Variants in SEC31A observed in about 807,000 individuals in gnomAD.
SEC31A encodes the protein protein transport protein Sec31A.
A neutral mutation model predicts 151.0 loss-of-function variants in SEC31A; 70 were observed. The observed-to-expected ratio is 0.46, with a 90% confidence interval of 0.38 to 0.57. SEC31A has a LOEUF of 0.57. Among genes scored for constraint, SEC31A ranks in the 20% least tolerant of loss-of-function variants. The pLI is 0.00. For missense variants in SEC31A, 1,330 were observed against 1,471.2 expected (o/e 0.90, Z 1.57); for synonymous variants, 475 against 505.9 (o/e 0.94, Z 0.82).
At chr4:82,862,252 CA>C (rs70943163) in intron 13 of SEC31A, among the ~76,000 whole-genome samples, 156 of 89,864 alleles carry the variant, frequency 1.7e-3, no homozygotes, top group Middle Eastern at 5.9e-3. Context: ...TTTTCCTGGC[CA>C]AAAAAAAAAA....
chr4:82,882,169 C>T (rs1163468306), intron 1 of SEC31A, among the ~76,000 whole-genome samples: 1 of 152,030 alleles, frequency 6.6e-6, no homozygotes, highest in Admixed American at 6.5e-5. Context: ...TTTGGGAGGC[C>T]AAGGCGGGCG....
At chr4:82,890,667 T>C (rs1719498117) in intron 1 of SEC31A, 4 of 839,932 alleles carry the variant, frequency 4.8e-6, no homozygotes, top group South Asian at 4.9e-5. Context: ...AATCTGGCAA[T>C]AGTTCAAGTA....
At chr4:82,846,366 C>CATAATAATAATAATAATAATAATA (rs35831381) in intron 20 of SEC31A, among the ~76,000 whole-genome samples, 12 of 140,546 alleles carry the variant, frequency 8.5e-5, no homozygotes, top group East Asian at 2.1e-4. Context: ...AACTCCAAAA[C>CATAATAATAATAATAATAATAATA]ATAATAATAA....
chr4:82,854,886 T>C lies in SEC31A; in HGVS notation c.2008+17A>G. 1 of 1,603,152 alleles carries C rather than the reference T, an allele frequency of 6.2e-7. No homozygotes were observed. Among genetic ancestry groups the C allele is most frequent in the Non-Finnish European group, 8.5e-7 (1 of 1,176,336 alleles). ...CCACGTATGTAAATGCAGTTAAATA[T>C]AAAGCACATCTCTTACCACAAAGGG... On this transcript the variant is annotated intron_variant, in intron 17 of 26. Coordinates refer to ENST00000395310, the MANE Select transcript of SEC31A (RefSeq NM_001077207.4).
Position 82,871,976 on chromosome 4 carries a change from G to A in SEC31A, c.750C>T (p.Ser250=), listed in dbSNP as rs1424808127. 2 of 1,614,018 alleles carry A rather than the reference G, an allele frequency of 1.2e-6. No homozygotes were observed. The highest frequency in any genetic ancestry group is 1.7e-6 in the Non-Finnish European group (2 of 1,180,022). ...VIQMWDLRFA[S]SPLRVLENHA... is the part of the protein sequence containing the mutation. ...GGTTTTCCAGGACACGAAGTGGAGA[G>A]GAAGCAAATCGAAGATCCCACATCT... Residue 250 remains serine (S), a synonymous_variant, in exon 7 of 27, where the codon TCC becomes TCT. Transcript: ENST00000395310.
At chr4:82,862,625 C>G in intron 12 of SEC31A, 53 bp from the exon 13 acceptor site, 2 of 1,492,998 alleles carry the variant, frequency 1.3e-6, no homozygotes, top group Non-Finnish European at 1.9e-6. Flanking sequence ...TTCAGAGCAT[C>G]CAGCAAATGT....
Position 82,877,220 on chromosome 4 carries a change from G to C in SEC31A, c.403-1398C>G, listed in dbSNP as rs1441507440. 2.0e-5 allele frequency among the ~76,000 whole-genome samples: 3 copies of C among 151,998 alleles called. No individual in the cohort carries two copies. In the East Asian group the frequency reaches 5.8e-4, roughly 29 times the overall value. On this transcript the variant is annotated intron_variant, in intron 4 of 26. Transcript: ENST00000395310. ...AGCCTGGCAGAGGGAGCAAGACGCTGTTTCAAAAAACAAAAAACAACAACA... is the reference window on the plus strand; with the variant it reads ...AGCCTGGCAGAGGGAGCAAGACGCTCTTTCAAAAAACAAAAAACAACAACA...
intron 22 of SEC31A, among the ~76,000 whole-genome samples, chr4:82,841,465 T>TATATATATATATATATAC (rs200595591): frequency 9.7e-6 from 1 of 103,202 alleles, no homozygotes; most frequent in African/African-American, 3.6e-5. Context: ...TATATATATA[T>TATATATATATATATATAC]ATACACACAC....
At chr4:82,887,004 G>C (rs1740875479) in intron 1 of SEC31A, among the ~76,000 whole-genome samples, 1 of 151,988 alleles carries the variant, frequency 6.6e-6, no homozygotes. Context: ...TTATATTTAG[G>C]GGAAAACAAG....
intron 22 of SEC31A, among the ~76,000 whole-genome samples, chr4:82,839,337 G>A (rs1262151117): frequency 2.0e-5 from 3 of 152,222 alleles, no homozygotes; most frequent in Admixed American, 6.5e-5. Flanking sequence ...TTTTCGTAGA[G>A]ACGGGGTTTC....
chr4:82,834,777 TC>T (rs1726822915), intron 22 of SEC31A, among the ~76,000 whole-genome samples: 1 of 152,182 alleles, frequency 6.6e-6, no homozygotes, highest in Non-Finnish European at 1.5e-5. Context: ...CCCCTTTCAA[TC>T]CTTTTTGCTT....
chr4:82,836,097 G>T (rs577974554), intron 22 of SEC31A, among the ~76,000 whole-genome samples: 1 of 152,018 alleles, frequency 6.6e-6, no homozygotes, highest in Admixed American at 6.5e-5. Context: ...AAAATTGGCC[G>T]GGCGCGGTGG....
At position 82,878,837 on chromosome 4, in the gene SEC31A, T is replaced by C; in HGVS notation, c.295A>G (p.Ile99Val). 6.2e-7 allele frequency: 1 copy of C among 1,613,902 alleles called. No homozygotes were observed. Among genetic ancestry groups the C allele is most frequent in the Non-Finnish European group, 8.5e-7 (1 of 1,179,804 alleles). The change falls in exon 4 of 27, where the codon ATT becomes GTT. Residue 99 changes from isoleucine (I) to valine (V), a missense_variant. Transcript: ENST00000395310. ...ATAATTTTAGAAGGATCATAGAGAATAATATTTCCATTTTCACCACCTGCA... is the reference window on the plus strand; with the variant it reads ...ATAATTTTAGAAGGATCATAGAGAACAATATTTCCATTTTCACCACCTGCA... ...LIAGGENGNI[I>V]LYDPSKIIAG... is the part of the protein sequence containing the mutation.
Position 82,842,211 on chromosome 4 carries a change from G to A in SEC31A, c.2897C>T (p.Ala966Val), listed in dbSNP as rs768881851. ...TGTTGTTCCAGGAGGCAGTGCATAAGCTGAAGATGATGGTGGAGCTCCTGG... is the reference window on the plus strand; with the variant it reads ...TGTTGTTCCAGGAGGCAGTGCATAAACTGAAGATGATGGTGGAGCTCCTGG... ...GGPGAPPSSS[A>V]YALPPGTTGT... The change falls in exon 22 of 27, where the codon GCT becomes GTT. Residue 966 changes from alanine to valine, a missense_variant. Physicochemically the swap from Ala to Val is moderately conservative, Grantham distance 64. Transcript: ENST00000395310. 1 of 1,611,386 alleles carries A rather than the reference G, an allele frequency of 6.2e-7. No individual in the cohort carries two copies. Among genetic ancestry groups the A allele is most frequent in the African/African-American group, 1.3e-5 (1 of 75,000 alleles).
intron 14 of SEC31A, among the ~76,000 whole-genome samples, chr4:82,858,628 G>A (rs1415214774): frequency 6.6e-6 from 1 of 150,616 alleles, no homozygotes; most frequent in Non-Finnish European, 1.5e-5. Context: ...CAGTAATGAG[G>A]CTGAAGAATC....
intron 22 of SEC31A, among the ~76,000 whole-genome samples, chr4:82,838,064 T>A (rs1003439824): frequency 5.9e-5 from 9 of 152,142 alleles, no homozygotes; most frequent in African/African-American, 2.2e-4. Context: ...TAGAAAGACA[T>A]GAATCCTTGA....
chr4:82,857,648 T>C (rs1351451070), intron 15 of SEC31A, 41 bp downstream of exon 15: 1 of 1,276,758 alleles, frequency 7.8e-7, no homozygotes, highest in Non-Finnish European at 1.1e-6. Flanking sequence ...TGTTTTCCAA[T>C]GGTTAAAAAA....
chr4:82,819,212 C>A lies in SEC31A; in HGVS notation c.3525G>T (p.Arg1175Ser). The A allele has an allele frequency of 6.2e-7, 1 of 1,608,910 alleles. No individual in the cohort carries two copies. Among genetic ancestry groups the A allele is most frequent in the Non-Finnish European group, 8.5e-7 (1 of 1,177,710 alleles). Residue 1175 changes from arginine to serine, a missense_variant, in exon 27 of 27, where the codon AGG (arginine) becomes AGT (serine). Physicochemically the swap from Arg to Ser is moderately radical, Grantham distance 110 (BLOSUM62 -1). Coordinates refer to ENST00000395310, the MANE Select transcript of SEC31A (RefSeq NM_001077207.4). ...CTGAGTAGTTTCGAGTTTCAATGCTCCTTGCAATGTTGTGTAAACCACTGG... is the reference window on the plus strand; with the variant it reads ...CTGAGTAGTTTCGAGTTTCAATGCTACTTGCAATGTTGTGTAAACCACTGG... ...TITSGLHNIA[R>S]SIETRNYSEG...
chr4:82,874,555 A>C lies in SEC31A; in HGVS notation c.639+56T>G, dbSNP rs1578344717. On this transcript the variant is annotated intron_variant, in intron 6 of 26. Transcript: ENST00000395310. ...TGTTGTCAACTCTGACAAACAATATAGGAATACCTACAGCAGAAATACAAC... is the reference window on the plus strand; with the variant it reads ...TGTTGTCAACTCTGACAAACAATATCGGAATACCTACAGCAGAAATACAAC... The C allele has an allele frequency of 5.4e-6, 8 of 1,484,028 alleles. No individual in the cohort carries two copies. In the South Asian group the frequency reaches 9.5e-5, roughly 18 times the overall value. 91.9% of individuals were successfully genotyped at this position (1,484,028 alleles called of 1,614,324 possible).
Sources: allele counts gnomAD v4.1 joint callset (sites outside exome capture counted in the v4.1 genomes callset), GRCh38; gene constraint gnomAD v4.1.1; transcripts MANE v1.5; gene names NCBI Gene and HGNC (gene_info 2026-07-23, HGNC 2026-07-21).